The following ARSG variants were observed in gnomAD, a reference collection of about 807,000 sequenced individuals.
The protein encoded by ARSG is ASG.
In ARSG, 37 loss-of-function variants were observed where a neutral mutation model predicts 50.5. That is an observed-to-expected ratio of 0.73 (90% CI 0.56 to 0.96). The LOEUF is 0.96. Ranked by LOEUF, ARSG falls within the 50% of genes least tolerant of loss-of-function variation. The pLI, the probability that ARSG is intolerant of heterozygous loss-of-function variation, is 0.00. For missense variants in ARSG, 629 were observed against 675.3 expected, an observed-to-expected ratio of 0.93 and a Z score of 0.76; for synonymous variants, 225 against 254.6, an observed-to-expected ratio of 0.88 and a Z score of 1.11.
chr17:68,314,161 G>GT (rs1403338774), intron 2 of ARSG, among the ~76,000 whole-genome samples: 32 of 152,218 alleles, frequency 2.1e-4, no homozygotes, highest in African/African-American at 7.5e-4. Context: ...ATCCCCTGGA[G>GT]TTTTGCTTTC....
At chr17:68,346,953 G>C (rs148639419) in intron 3 of ARSG, 172 bp from the exon 4 acceptor site, 1 of 1,516,118 alleles carries the variant, frequency 6.6e-7, no homozygotes, top group African/African-American at 1.4e-5. Context: ...TGTGGACACC[G>C]TCTCGGCCCC....
At chr17:68,383,785 G>A (rs1392552158) in intron 8 of ARSG, among the ~76,000 whole-genome samples, 2 of 152,338 alleles carry the variant, frequency 1.3e-5, no homozygotes, top group African/African-American at 4.8e-5. Context: ...TAGGAAGGAT[G>A]TATTAGAGAA....
chr17:68,288,006 T>TG (rs1568420585), upstream of ARSG, among the ~76,000 whole-genome samples: 2 of 147,836 alleles, frequency 1.4e-5, no homozygotes, highest in Admixed American at 6.7e-5. Context: ...TTTTTTTTTT[T>TG]GGGGGTTGGG....
rs992148566 is a variant in ARSG, at chr17:68,381,089, A to G, written c.983-3975A>G. 2.6e-5 allele frequency among the ~76,000 whole-genome samples: 4 copies of G among 152,156 alleles called. No individual in the cohort carries two copies. Among genetic ancestry groups the G allele is most frequent in the African/African-American group, 9.7e-5 (4 of 41,428 alleles). ...AGATCTCATCTGGTGATTCTCTTGT[A>G]TGGAGAAATTTGCGAATTTCCTTGT... On this transcript the variant is annotated intron_variant, in intron 8 of 11. Coordinates refer to ENST00000621439, the MANE Select transcript of ARSG (RefSeq NM_001267727.2). The surrounding 1 kb of genome is among the most constrained non-coding windows in gnomAD (Gnocchi z 4.1).
At chr17:68,311,088 A>C (rs1248556235) in intron 2 of ARSG, among the ~76,000 whole-genome samples, 1 of 152,174 alleles carries the variant, frequency 6.6e-6, no homozygotes, top group Non-Finnish European at 1.5e-5. Flanking sequence ...CCTGGGAGAC[A>C]GAGGTTGCAG....
chr17:68,409,632 A>T (rs1229802903), intron 11 of ARSG, among the ~76,000 whole-genome samples: 1 of 150,520 alleles, frequency 6.6e-6, no homozygotes, highest in African/African-American at 2.5e-5. Flanking sequence ...TATGAACTTT[A>T]AAGTAGTTTT....
chr17:68,284,772 T>C (rs1278915162), intron 1 of ARSG, among the ~76,000 whole-genome samples: 1 of 152,226 alleles, frequency 6.6e-6, no homozygotes, highest in African/African-American at 2.4e-5. Context: ...TTATACACTA[T>C]TACGGCTAAA....
chr17:68,352,823 C>T (rs1294236794), intron 5 of ARSG, among the ~76,000 whole-genome samples: 2 of 152,018 alleles, frequency 1.3e-5, no homozygotes, highest in African/African-American at 4.8e-5. Flanking sequence ...ACTCTTTCTC[C>T]ACTTTCTCTT....
At chr17:68,372,561 G>C (rs189355338) in intron 8 of ARSG, among the ~76,000 whole-genome samples, 3 of 152,128 alleles carry the variant, frequency 2.0e-5, no homozygotes, top group Non-Finnish European at 2.9e-5. Context: ...AACAGCCAAG[G>C]CTAATGAGAA....
chr17:68,266,610 A>G (rs551036449), intron 1 of ARSG, among the ~76,000 whole-genome samples: 33 of 151,394 alleles, frequency 2.2e-4, no homozygotes, highest in African/African-American at 6.5e-4. Flanking sequence ...AGGAGTTTGA[A>G]GCCAACCTGG....
downstream of ARSG, chr17:68,426,253 G>GGGGGGGGGGGGGGGGGGGGT: frequency 2.4e-6 from 2 of 841,016 alleles, no homozygotes; most frequent in Non-Finnish European, 3.8e-6. Context: ...GGGGAGCGGG[G>GGGGGGGGGGGGGGGGGGGGT]GCTCAAATAA....
intron 6 of ARSG, among the ~76,000 whole-genome samples, chr17:68,362,303 G>T (rs911078217): frequency 2.6e-5 from 4 of 151,730 alleles, no homozygotes; most frequent in African/African-American, 9.7e-5. Flanking sequence ...CAGATCCAAA[G>T]ACCATACTCA....
At chr17:68,417,823 C>T (rs918167491) in intron 11 of ARSG, among the ~76,000 whole-genome samples, 3 of 135,550 alleles carry the variant, frequency 2.2e-5, no homozygotes, top group Admixed American at 8.7e-5. Flanking sequence ...TCTCGGCTCC[C>T]AGGTTCACGT....
At chr17:68,274,784 C>CT (rs11342192) in intron 1 of ARSG, among the ~76,000 whole-genome samples, 1 of 143,294 alleles carries the variant, frequency 7.0e-6, no homozygotes, top group African/African-American at 2.6e-5. Context: ...TAGTTTCTTT[C>CT]TTTTTTTTTT....
chr17:68,342,495 A>G (rs575690060), intron 2 of ARSG, among the ~76,000 whole-genome samples: 52 of 151,840 alleles, frequency 3.4e-4, no homozygotes, highest in African/African-American at 1.3e-3. Flanking sequence ...CTGGGGTTAC[A>G]GGCACCTGCC....
At chr17:68,281,428 G>A (rs561988519) in intron 1 of ARSG, among the ~76,000 whole-genome samples, 3 of 151,862 alleles carry the variant, frequency 2.0e-5, no homozygotes, top group South Asian at 4.2e-4. Context: ...TTAGCTGGGC[G>A]TGGTGGCATG....
chr17:68,284,960 G>T (rs1555753950), intron 1 of ARSG, among the ~76,000 whole-genome samples: 1 of 152,136 alleles, frequency 6.6e-6, no homozygotes, highest in African/African-American at 2.4e-5. Context: ...CTTGTACACA[G>T]CTTGTATTTA....
chr17:68,439,874 C>T, the ARSG span, among the ~76,000 whole-genome samples: 2 of 152,168 alleles, frequency 1.3e-5, no homozygotes, highest in Admixed American at 6.5e-5. Context: ...TACTTCTTCC[C>T]TCTGAAAATA....
rs138635679 is a variant in ARSG at position 68,307,688 on chromosome 17, T to A, written c.195T>A (p.Asp65Glu). 4.3e-5 allele frequency: 69 copies of A among 1,592,292 alleles called. No individual in the cohort carries two copies. The highest frequency in any genetic ancestry group is 5.5e-5 in the Non-Finnish European group (64 of 1,160,356). Residue 65 changes from aspartate (D) to glutamate (E), a missense_variant, in exon 2 of 12, where the codon GAT (aspartate) becomes GAA (glutamate). By Grantham distance (45) the Asp-to-Glu change is conservative (BLOSUM62 2). Transcript: ENST00000621439. The part of the protein sequence containing the change: ...WAETKDTANL[D>E]KMASEGMRFV... The stretch of plus-strand genomic sequence containing the variant: ...AAACAAAGGACACTGCCAACCTTGA[T>A]AAGATGGCTTCGGAGGGAATGAGGT...
Sources: allele counts gnomAD v4.1 joint callset (sites outside exome capture counted in the v4.1 genomes callset), GRCh38; gene constraint gnomAD v4.1.1; non-coding constraint Gnocchi (gnomAD v3.1); transcripts MANE v1.5; gene names NCBI Gene and HGNC (gene_info 2026-07-23, HGNC 2026-07-21).